Variants in ADK observed in about 807,000 individuals in gnomAD.
ADK encodes N6,N6-dimethyladenosine kinase.
In ADK, 24 loss-of-function variants were observed where a neutral mutation model predicts 44.7. That is an observed-to-expected ratio of 0.54 (90% CI 0.39 to 0.76). The LOEUF (loss-of-function observed/expected upper bound fraction) is 0.76, where lower values mean the gene tolerates loss of function less well. ADK is among the 30% of genes least tolerant of loss of function. The pLI, the probability that ADK is intolerant of heterozygous loss-of-function variation, is 0.00. For synonymous variants in ADK, 128 were observed against 142.6 expected (o/e 0.90, Z 0.73); for missense variants, 321 against 425.1 (o/e 0.76, Z 2.15).
intron 3 of ADK, among the ~76,000 whole-genome samples, chr10:74,299,494 T>C (rs1361985821): frequency 2.1e-5 from 2 of 96,444 alleles, no homozygotes; most frequent in Admixed American, 2.4e-4. Context: ...AGCAAGACTC[T>C]GTCTCAAAAA....
At chr10:74,310,508 A>T (rs1321289487) in intron 3 of ADK, among the ~76,000 whole-genome samples, 1 of 152,072 alleles carries the variant, frequency 6.6e-6, no homozygotes, top group Non-Finnish European at 1.5e-5. Context: ...ACATTTCTTT[A>T]TCACATCCTG....
At chr10:74,659,036 G>A (rs1284477761) in intron 9 of ADK, among the ~76,000 whole-genome samples, 3 of 151,842 alleles carry the variant, frequency 2.0e-5, no homozygotes, top group Admixed American at 2.0e-4. Context: ...GGCAACATAG[G>A]GAGGCCCATC....
intron 6 of ADK, among the ~76,000 whole-genome samples, chr10:74,431,612 G>A (rs1845001914): frequency 2.0e-5 from 3 of 152,068 alleles, no homozygotes; most frequent in Admixed American, 2.0e-4. Context: ...GTGGTAGCTG[G>A]CACCTGTAAT....
chr10:74,541,498 C>T (rs1307297113), intron 7 of ADK, among the ~76,000 whole-genome samples: 21 of 152,048 alleles, frequency 1.4e-4, no homozygotes. Flanking sequence ...GTCTTTATGA[C>T]CATGACAATT....
intron 4 of ADK, among the ~76,000 whole-genome samples, chr10:74,332,750 CTTAAT>C (rs1194043988): frequency 1.3e-5 from 2 of 152,052 alleles, no homozygotes; most frequent in African/African-American, 4.8e-5. Flanking sequence ...ATTACTTTAT[CTTAAT>C]TTAACCAATG....
chr10:74,558,065 G>C (rs1850325829), intron 7 of ADK, among the ~76,000 whole-genome samples: 1 of 152,112 alleles, frequency 6.6e-6, no homozygotes, highest in South Asian at 2.1e-4. Flanking sequence ...GAAATTGATA[G>C]CCCACAGGTG....
At chr10:74,488,300 C>T (rs953657847) in intron 6 of ADK, among the ~76,000 whole-genome samples, 8 of 151,292 alleles carry the variant, frequency 5.3e-5, no homozygotes, top group African/African-American at 1.9e-4. Flanking sequence ...AGGAAAATCT[C>T]CTTGGTCAGT....
chr10:74,490,116 A>G (rs976622035), intron 6 of ADK, among the ~76,000 whole-genome samples: 3 of 152,036 alleles, frequency 2.0e-5, no homozygotes, highest in African/African-American at 4.8e-5. Flanking sequence ...CCTTCCCTTT[A>G]TTCTTTCTTC....
chr10:74,615,724 T>G (rs1852730042), intron 9 of ADK, among the ~76,000 whole-genome samples: 1 of 152,162 alleles, frequency 6.6e-6, no homozygotes, highest in South Asian at 2.1e-4. Context: ...GTTTTGTTTT[T>G]TTGAGATGGA....
At chr10:74,260,338 C>T (rs6480728) in intron 3 of ADK, among the ~76,000 whole-genome samples, 111,990 of 152,156 alleles carry the variant, frequency 0.74, 41,919 homozygotes, top group Middle Eastern at 0.85. Flanking sequence ...GGTGTGATCA[C>T]AGCTCACTGA....
chr10:74,263,001 A>G (rs779299065), intron 3 of ADK, among the ~76,000 whole-genome samples: 2 of 152,192 alleles, frequency 1.3e-5, no homozygotes, highest in East Asian at 1.9e-4. Context: ...AACATTTACT[A>G]AAGAGTTCAG....
chr10:74,368,511 A>G (rs1842563585), intron 4 of ADK, among the ~76,000 whole-genome samples: 1 of 151,968 alleles, frequency 6.6e-6, no homozygotes, highest in Admixed American at 6.6e-5. Flanking sequence ...TTACCTCTTC[A>G]TGGTATCACA....
intron 9 of ADK, among the ~76,000 whole-genome samples, chr10:74,641,047 T>C (rs901312529): frequency 6.6e-6 from 1 of 152,204 alleles, no homozygotes; most frequent in African/African-American, 2.4e-5. Flanking sequence ...ACTTCCCAAT[T>C]AAGGAAGAAA....
rs570149591 is a variant in ADK at position 74,272,416 on chromosome 10, C to T, written c.195-42251C>T. ...TCAGCTTCCTGAGTGTTTGGGACTA[C>T]AGGCGCGCACTACCATGCCGGGTTA... On this transcript the variant is annotated intron_variant, in intron 3 of 10. Coordinates refer to ENST00000539909, the MANE Select transcript of ADK (RefSeq NM_006721.4). 5.9e-5 allele frequency among the ~76,000 whole-genome samples: 9 copies of T among 152,100 alleles called. No homozygotes were observed. The East Asian group carries it at 1.7e-3, about 29-fold the overall frequency.
At chr10:74,215,225 ATACC>A in intron 2 of ADK, among the ~76,000 whole-genome samples, 2 of 152,342 alleles carry the variant, frequency 1.3e-5, no homozygotes, top group African/African-American at 4.8e-5. Flanking sequence ...TTATAAAAGA[ATACC>A]TATCTATGCC....
intron 6 of ADK, among the ~76,000 whole-genome samples, chr10:74,441,888 C>A (rs1319825609): frequency 6.6e-6 from 1 of 152,010 alleles, no homozygotes; most frequent in Non-Finnish European, 1.5e-5. Flanking sequence ...AAAAATGAGC[C>A]CAGGACCTGA....
intron 6 of ADK, among the ~76,000 whole-genome samples, chr10:74,512,628 C>T (rs1215760504): frequency 6.6e-6 from 1 of 151,412 alleles, no homozygotes; most frequent in Non-Finnish European, 1.5e-5. Flanking sequence ...GTGATGTCTC[C>T]TTTTTTGTTT....
chr10:74,205,689 A>G (rs950780787), intron 2 of ADK, among the ~76,000 whole-genome samples: 1 of 151,606 alleles, frequency 6.6e-6, no homozygotes, highest in East Asian at 1.9e-4. Context: ...AAAAAAAAAA[A>G]AAAAAAGAAA....
At chr10:74,514,939 C>G (rs1848503611) in intron 6 of ADK, among the ~76,000 whole-genome samples, 1 of 152,252 alleles carries the variant, frequency 6.6e-6, no homozygotes, top group Admixed American at 6.5e-5. Flanking sequence ...ATCCTCCCAC[C>G]TCAACTCCCC....
Sources: gnomAD v4.1 joint callset for allele counts (sites outside exome capture counted in the v4.1 genomes callset) on GRCh38, gnomAD v4.1.1 for gene constraint, MANE v1.5 for transcripts, NCBI Gene and HGNC (gene_info 2026-07-23, HGNC 2026-07-21) for gene names.